KDM5C: variants seen among roughly 807,000 people sequenced by gnomAD.
KDM5C encodes the protein lysine demethylase 5C, also known as lysine-specific demethylase 5C.
Under a neutral mutation model 110.6 loss-of-function variants are expected in KDM5C, and 16 were observed. The observed-to-expected ratio is 0.14, with a 90% CI of 0.10 to 0.22. The LOEUF is 0.22. Among genes scored for constraint, KDM5C ranks in the 10% least tolerant of loss-of-function variants. The pLI is 1.00. For missense variants in KDM5C, 681 were observed against 1,300.9 expected (o/e 0.52, Z 7.33); for synonymous variants, 511 against 520.4 (o/e 0.98, Z 0.24).
chrX:53,188,964 G>A (rs781864882), downstream of KDM5C, among the ~76,000 whole-genome samples: 3 of 111,693 alleles, frequency 2.7e-5, no homozygotes, highest in Non-Finnish European at 5.6e-5. Flanking sequence ...CCCCAGTCAA[G>A]CCTTGAGATG....
In KDM5C at chrX:53,218,414, C is replaced by T; in HGVS notation, c.229-16G>A. 1 of 1,210,113 alleles carries T rather than the reference C, an allele frequency of 8.3e-7. No homozygotes were observed. The highest frequency in any genetic ancestry group is 1.1e-6 in the Non-Finnish European group (1 of 894,969). On this transcript the variant is annotated splice_polypyrimidine_tract_variant and intron_variant, in intron 2 of 25. Transcript: ENST00000375401. The stretch of plus-strand genomic sequence containing the variant: ...TCGTCTGGGCCTGAAGAAGAAATGG[C>T]TCAAAGAGGCTGGCCACCCCCTCCC...
At chrX:53,223,860 ACC>A (rs782144021) in intron 1 of KDM5C, among the ~76,000 whole-genome samples, 1 of 111,295 alleles carries the variant, frequency 9.0e-6, no homozygotes, top group South Asian at 3.8e-4. Context: ...AAGGACTCAC[ACC>A]CCACCACCAA....
chrX:53,209,760 G>A (rs1556847782), intron 12 of KDM5C, among the ~76,000 whole-genome samples: 1 of 112,144 alleles, frequency 8.9e-6, no homozygotes, highest in African/African-American at 3.2e-5. Context: ...GGAATATAAA[G>A]TCTCTCACAG....
At chrX:53,202,751 C>A (rs1219948260) in intron 12 of KDM5C, 1 of 111,143 alleles carries the variant, frequency 9.0e-6, no homozygotes, top group Non-Finnish European at 1.9e-5. Context: ...ACCTACTTTT[C>A]TTTTTTTAAA....
Position 53,217,944 on chromosome X carries a change from T to A in KDM5C, c.374A>T (p.Tyr125Phe). 1 of 1,211,582 alleles carries A rather than the reference T, an allele frequency of 8.3e-7. No homozygotes were observed. The highest frequency in any genetic ancestry group is 1.1e-6 in the Non-Finnish European group (1 of 895,333). ...LSKIVVEEGG[Y>F]EAICKDRRWA... is the part of the protein sequence containing the mutation. ...CCGACGGTCCTTGCAGATAGCTTCA[T>A]AACCACCTTCCTCCACCACAATCTG... The change falls in exon 4 of 26, where the codon TAT becomes TTT. Residue 125 changes from tyrosine to phenylalanine, a missense_variant. Physicochemically the swap from Tyr to Phe is conservative, Grantham distance 22. Coordinates refer to ENST00000375401, the MANE Select transcript of KDM5C (RefSeq NM_004187.5).
chrX:53,192,875 C>CCCCCCCCCCCCCCCCA lies in KDM5C; in HGVS notation c.*91_*92insTGGGGGGGGGGGGGGG. The CCCCCCCCCCCCCCCCA allele has an allele frequency of 1.0e-6, 1 of 978,767 alleles. No homozygotes were observed. Among genetic ancestry groups the CCCCCCCCCCCCCCCCA allele is most frequent in the African/African-American group, 2.1e-5 (1 of 47,130 alleles). 80.7% of individuals were successfully genotyped at this position (978,767 alleles called of 1,213,427 possible). A position where few individuals can be genotyped will look rare whatever the true frequency, so the allele number is the denominator to read the frequency against. On this transcript the variant is annotated 3_prime_UTR_variant, in exon 26 of 26. Coordinates refer to ENST00000375401, the MANE Select transcript of KDM5C (RefSeq NM_004187.5). ...CAGGGATGGCCACCCCCCTACCCGCCCACCCCCCAAGAAGCAGGCTTGATG... is the reference window on the plus strand; with the variant it reads ...CAGGGATGGCCACCCCCCTACCCGCCCCCCCCCCCCCCCCCACACCCCCCAAGAAGCAGGCTTGATG...
intron 25 of KDM5C, among the ~76,000 whole-genome samples, chrX:53,177,454 T>A: frequency 8.8e-6 from 1 of 113,014 alleles, no homozygotes; most frequent in East Asian, 2.8e-4. Flanking sequence ...CTGAATATAA[T>A]GACATTCATT....
intron 2 of KDM5C, 169 bp from the exon 3 acceptor site, chrX:53,218,567 ACT>A: frequency 1.7e-6 from 1 of 575,437 alleles, no homozygotes; most frequent in East Asian, 3.6e-5. Flanking sequence ...GCCCCACCTC[ACT>A]CTCATTTCTT....
At position 53,192,204 on chromosome X, in the gene KDM5C, TAATAA is replaced by T. The variant is rs1424033559; in HGVS notation, c.*758_*762del. 5.7e-6 allele frequency: 1 copy of T among 174,058 alleles called. No homozygotes were observed. Among genetic ancestry groups the T allele is most frequent in the African/African-American group, 2.9e-5 (1 of 33,903 alleles). 14.3% of individuals were successfully genotyped at this position (174,058 alleles called of 1,213,427 possible). ...GGTTTTATTTCTAACAAGAGGAAAA[TAATAA>T]AATAAAATTAAAATAGGCTTCAGTT... On this transcript the variant is annotated 3_prime_UTR_variant, in exon 26 of 26. Transcript: ENST00000375401.
At chrX:53,199,197 C>A (rs369155315) in intron 14 of KDM5C, 39 bp from the exon 15 acceptor site, 2 of 1,176,727 alleles carry the variant, frequency 1.7e-6, no homozygotes, top group Non-Finnish European at 2.3e-6. Flanking sequence ...ATAACCAGAA[C>A]CAGGTAGCAA....
chrX:53,210,387 G>A (rs1237226135), intron 12 of KDM5C, 27 bp downstream of exon 12: 7 of 1,208,142 alleles, frequency 5.8e-6, no homozygotes, highest in African/African-American at 3.5e-5. Flanking sequence ...CACTCCTGCC[G>A]CTTGTCCCTG....
intron 1 of KDM5C, chrX:53,221,630 T>G (rs2146965225): frequency 3.0e-5 from 19 of 634,243 alleles, no homozygotes; most frequent in East Asian, 8.5e-5. Context: ...TTAAAGGGCC[T>G]GAGATAGACA....
intron 12 of KDM5C, among the ~76,000 whole-genome samples, chrX:53,205,865 T>C (rs907409070): frequency 2.7e-5 from 3 of 111,723 alleles, no homozygotes; most frequent in Non-Finnish European, 5.6e-5. Flanking sequence ...TATTTATTAT[T>C]AATTAATTAG....
At chrX:53,221,733 G>A (rs782127290) in intron 1 of KDM5C, 1 of 981,408 alleles carries the variant, frequency 1.0e-6, no homozygotes, top group East Asian at 7.5e-5. Context: ...ACACCTGCCT[G>A]GTACAGGAAG....
At chrX:53,203,171 C>T (rs1602187607) in intron 12 of KDM5C, among the ~76,000 whole-genome samples, 1 of 112,040 alleles carries the variant, frequency 8.9e-6, no homozygotes. Flanking sequence ...GCACACTGCT[C>T]TGATCTTCTA....
rs1458260727 is a variant in KDM5C at position 53,194,346 on chromosome X, G to A, written c.3831C>T (p.Ala1277=). The A allele has an allele frequency of 4.1e-6, 5 of 1,210,796 alleles. No homozygotes were observed. In the African/African-American group the frequency reaches 8.7e-5, roughly 21 times the overall value. The change falls in exon 23 of 26, where the codon GCC becomes GCT. Residue 1277 remains alanine (A), a synonymous_variant. Coordinates refer to ENST00000375401, the MANE Select transcript of KDM5C (RefSeq NM_004187.5). ...RLPVRLPEGE[A]LQCLTERAIS... ...TGGCCCTCTCTGTGAGGCACTGCAGGGCCTCGCCCTCGGGCAGCCGCACAG... is the reference window on the plus strand; with the variant it reads ...TGGCCCTCTCTGTGAGGCACTGCAGAGCCTCGCCCTCGGGCAGCCGCACAG...
Position 53,192,858 on chromosome X carries a change from G to GCCCCCCCCCC in KDM5C, c.*108_*109insGGGGGGGGGG. On this transcript the variant is annotated 3_prime_UTR_variant, in exon 26 of 26. Transcript: ENST00000375401. ...CAGGGGTGGGCGGGTAGCAGGGATG[G>GCCCCCCCCCC]CCACCCCCCTACCCGCCCACCCCCC... 3 of 728,426 alleles carry GCCCCCCCCCC rather than the reference G, an allele frequency of 4.1e-6. No individual in the cohort carries two copies. Among genetic ancestry groups the GCCCCCCCCCC allele is most frequent in the Non-Finnish European group, 5.5e-6 (3 of 548,372 alleles). The allele number at this position is 728,426 out of a possible 1,213,427, so 60.0% of individuals were successfully genotyped here. A position where few individuals can be genotyped will look rare whatever the true frequency, so the allele number is the denominator to read the frequency against.
intron 25 of KDM5C, among the ~76,000 whole-genome samples, chrX:53,185,961 C>T (rs1024202592): frequency 3.6e-5 from 4 of 111,772 alleles, no homozygotes; most frequent in Non-Finnish European, 5.6e-5. Context: ...AAATCTCCCT[C>T]CTTGCTTTCC....
chrX:53,217,324 CA>C, intron 4 of KDM5C, 47 bp from the exon 5 acceptor site: 1 of 1,201,188 alleles, frequency 8.3e-7, no homozygotes, highest in Non-Finnish European at 1.1e-6. Flanking sequence ...CTCCAGCCCG[CA>C]AAAGCAATAA....
Sources: allele counts gnomAD v4.1 joint callset (sites outside exome capture counted in the v4.1 genomes callset), GRCh38; gene constraint gnomAD v4.1.1; transcripts MANE v1.5; gene names NCBI Gene and HGNC (gene_info 2026-07-23, HGNC 2026-07-21).